Variants in GRTP1 observed in about 807,000 individuals in gnomAD.
GRTP1 encodes growth hormone-regulated TBC protein 1.
A neutral mutation model predicts 38.1 loss-of-function variants in GRTP1; 56 were observed. That is an observed-to-expected ratio of 1.47 (90% CI 1.19 to 1.84). GRTP1 has a LOEUF of 1.84. Ranked by LOEUF, GRTP1 falls within the 40% of genes most tolerant of loss-of-function variation. GRTP1 has a pLI of 0.00. For missense variants in GRTP1, 506 were observed against 453.9 expected (o/e 1.11, Z -1.04); for synonymous variants, 217 against 189.5 (o/e 1.14, Z -1.19).
intron 3 of GRTP1, among the ~76,000 whole-genome samples, chr13:113,354,579 A>G (rs2043345429): frequency 6.7e-6 from 1 of 148,536 alleles, no homozygotes; most frequent in Non-Finnish European, 1.5e-5. Context: ...CCCAGGCTGG[A>G]GTGCGGTGGT....
At chr13:113,330,354 A>G (rs1246553792) in intron 5 of GRTP1, among the ~76,000 whole-genome samples, 1 of 115,534 alleles carries the variant, frequency 8.7e-6, no homozygotes, top group African/African-American at 3.6e-5. Flanking sequence ...ATGGGAGCCC[A>G]GGTGTGTGGA....
intron 5 of GRTP1, chr13:113,339,597 T>A (rs1000189404): frequency 6.6e-6 from 1 of 152,272 alleles, no homozygotes; most frequent in Admixed American, 6.5e-5. Flanking sequence ...TTAATTGATA[T>A]ATCTCACAAA....
At chr13:113,363,720 C>A (rs756199251) in intron 2 of GRTP1, 42 bp downstream of exon 2, 29 of 1,580,704 alleles carry the variant, frequency 1.8e-5, no homozygotes, top group Non-Finnish European at 2.4e-5. Flanking sequence ...CCAGCCCAAC[C>A]CACCTGCGCC....
At chr13:113,326,882 C>T (rs761376541) in intron 5 of GRTP1, among the ~76,000 whole-genome samples, 12 of 152,084 alleles carry the variant, frequency 7.9e-5, no homozygotes, top group Non-Finnish European at 1.5e-4. Flanking sequence ...GCCACAGCAG[C>T]GGGAGGGAGG....
At chr13:113,356,328 T>TGGC (rs2043385971) in intron 2 of GRTP1, among the ~76,000 whole-genome samples, 1 of 151,994 alleles carries the variant, frequency 6.6e-6, no homozygotes, top group Non-Finnish European at 1.5e-5. Flanking sequence ...AGTGCAGTGG[T>TGGC]GCAATCTTGG....
rs749970147 is a variant in GRTP1 at position 113,364,086 on chromosome 13, G to C, written c.-35C>G. 5 of 1,239,758 alleles carry C rather than the reference G, an allele frequency of 4.0e-6. 1 individual carries two copies. Among genetic ancestry groups the C allele is most frequent in the Middle Eastern group, 6.3e-4 (2 of 3,154 alleles). The allele number at this position is 1,239,758 out of a possible 1,614,324, so 76.8% of individuals were successfully genotyped here. A position where few individuals can be genotyped will look rare whatever the true frequency, so the allele number is the denominator to read the frequency against. ...GAGGCGCGCACCGAGCGAGGCCAGCGGGTCCCAAGTTCGCCTCCCGGCTCC... is the reference window on the plus strand; with the variant it reads ...GAGGCGCGCACCGAGCGAGGCCAGCCGGTCCCAAGTTCGCCTCCCGGCTCC... On this transcript the variant is annotated 5_prime_UTR_variant, in exon 1 of 8. Coordinates refer to ENST00000375431, the MANE Select transcript of GRTP1 (RefSeq NM_024719.4).
At chr13:113,332,274 ACACACGTG>A (rs1438901979) in intron 5 of GRTP1, among the ~76,000 whole-genome samples, 1 of 149,394 alleles carries the variant, frequency 6.7e-6, no homozygotes, top group African/African-American at 2.5e-5. Flanking sequence ...ACACACAGGT[ACACACGTG>A]CACACACACA....
At chr13:113,361,680 G>C (rs1361997460) in intron 2 of GRTP1, 1 of 152,228 alleles carries the variant, frequency 6.6e-6, no homozygotes, top group Non-Finnish European at 1.5e-5. Context: ...CGGAAGGACA[G>C]TCCCCTGCGG....
At chr13:113,326,186 C>G in intron 5 of GRTP1, 95 bp from the exon 6 acceptor site, 1 of 1,463,466 alleles carries the variant, frequency 6.8e-7, no homozygotes. Context: ...CAGGGCCACC[C>G]TGGGAGGACC....
chr13:113,343,258 G>A lies in GRTP1; in HGVS notation c.562+1605C>T, dbSNP rs1447527753. On this transcript the variant is annotated intron_variant, in intron 5 of 7. Transcript: ENST00000375431. This position sits in a 1 kb window ranked among gnomAD's most constrained non-coding sequence, Gnocchi z 4.8. ...TGCCTCTAATTTCACCATTCCACCT[G>A]GTCCAGGTGTTCACCGAACTGAGCT... Among the ~76,000 whole-genome samples the A allele has an allele frequency of 1.3e-5, 2 of 152,074 alleles. No homozygotes were observed. Among genetic ancestry groups the A allele is most frequent in the Non-Finnish European group, 2.9e-5 (2 of 68,018 alleles).
chr13:113,355,155 C>A, intron 3 of GRTP1, 168 bp downstream of exon 3: 1 of 653,168 alleles, frequency 1.5e-6, no homozygotes, highest in Admixed American at 2.6e-5. Context: ...CATTGTTCTC[C>A]CCTTGCAAAG....
chr13:113,324,317 C>G lies in GRTP1; in HGVS notation c.*171G>C. 1 of 982,730 alleles carries G rather than the reference C, an allele frequency of 1.0e-6. No homozygotes were observed. Among genetic ancestry groups the G allele is most frequent in the Non-Finnish European group, 1.4e-6 (1 of 732,214 alleles). The allele number at this position is 982,730 out of a possible 1,614,324, so 60.9% of individuals were successfully genotyped here. ...TGACTTCATAGCTAATCATCAAAAG[C>G]TGGTAGAATGACCTGATTTTAAACT... On this transcript the variant is annotated 3_prime_UTR_variant, in exon 8 of 8. Coordinates refer to ENST00000375431, the MANE Select transcript of GRTP1 (RefSeq NM_024719.4).
chr13:113,343,082 G>A lies in GRTP1; in HGVS notation c.562+1781C>T, dbSNP rs2043048226. 6.6e-6 allele frequency among the ~76,000 whole-genome samples: 1 copy of A among 152,040 alleles called. No homozygotes were observed. Among genetic ancestry groups the A allele is most frequent in the Non-Finnish European group, 1.5e-5 (1 of 68,022 alleles). On this transcript the variant is annotated intron_variant, in intron 5 of 7. Transcript: ENST00000375431. This position sits in a 1 kb window ranked among gnomAD's most constrained non-coding sequence, Gnocchi z 4.8. ...CACCCCTGAACGGCGCCCAGAACAC[G>A]ATAGGTTTTCAACAATATGTGGTGA...
At position 113,325,802 on chromosome 13, in the gene GRTP1, C is replaced by T. The variant is rs755631578; in HGVS notation, c.780G>A (p.Lys260=). 2 of 1,614,048 alleles carry T rather than the reference C, an allele frequency of 1.2e-6. No homozygotes were observed. Among genetic ancestry groups the T allele is most frequent in the East Asian group, 2.2e-5 (1 of 44,884 alleles). Residue 260 remains lysine, a synonymous_variant, in exon 7 of 8, where the codon AAG becomes AAA. Transcript: ENST00000375431. ...AGGTCAGGGCCACCCGGAAGATAATCTTCGAGCCTTCGTTAAACAAACAGT... is the reference window on the plus strand; with the variant it reads ...AGGTCAGGGCCACCCGGAAGATAATTTTCGAGCCTTCGTTAAACAAACAGT... ...IWDCLFNEGS[K]IIFRVALTLI... is the part of the protein sequence containing the mutation.
intron 3 of GRTP1, 118 bp downstream of exon 3, chr13:113,355,205 C>CA: frequency 2.0e-6 from 2 of 982,486 alleles, no homozygotes; most frequent in Non-Finnish European, 3.0e-6. Context: ...GACGTAACTT[C>CA]AAGTTAAAAG....
intron 7 of GRTP1, chr13:113,324,888 G>A (rs1183391306): frequency 1.4e-5 from 12 of 828,930 alleles, no homozygotes; most frequent in East Asian, 2.0e-4. Flanking sequence ...GTGCAGTGGC[G>A]CGATCTCGGC....
At chr13:113,355,510 G>A (rs1418330651) in intron 2 of GRTP1, 29 bp from the exon 3 acceptor site, 2 of 1,585,212 alleles carry the variant, frequency 1.3e-6, no homozygotes, top group Non-Finnish European at 1.7e-6. Context: ...GACAGCGTGT[G>A]AGCTGGACCA....
At chr13:113,335,095 T>TA (rs776531371) in intron 5 of GRTP1, among the ~76,000 whole-genome samples, 6 of 9,154 alleles carry the variant, frequency 6.6e-4, no homozygotes, top group Non-Finnish European at 4.6e-3. Context: ...GTGCTGGGAT[T>TA]ACAGGCATGA....
chr13:113,324,335 T>C lies in GRTP1; in HGVS notation c.*153A>G. 3.3e-6 allele frequency: 4 copies of C among 1,212,574 alleles called. No individual in the cohort carries two copies. The highest frequency in any genetic ancestry group is 4.3e-6 in the Non-Finnish European group (4 of 935,036). 75.1% of individuals were successfully genotyped at this position (1,212,574 alleles called of 1,614,324 possible). On this transcript the variant is annotated 3_prime_UTR_variant, in exon 8 of 8. Coordinates refer to ENST00000375431, the MANE Select transcript of GRTP1 (RefSeq NM_024719.4). ...TCAAAAGCTGGTAGAATGACCTGAT[T>C]TTAAACTGCTCTTTTAAAAAATTCA...
Sources: allele counts gnomAD v4.1 joint callset (sites outside exome capture counted in the v4.1 genomes callset), GRCh38; gene constraint gnomAD v4.1.1; non-coding constraint Gnocchi (gnomAD v3.1); transcripts MANE v1.5; gene names NCBI Gene and HGNC (gene_info 2026-07-23, HGNC 2026-07-21).